APOC2: variants seen among roughly 807,000 people sequenced by gnomAD.
APOC2 encodes the protein apolipoprotein C-II.
In APOC2, 6 loss-of-function variants were observed where a neutral mutation model predicts 10.2. The observed-to-expected ratio is 0.59, with a 90% CI of 0.32 to 1.16. APOC2 has a LOEUF of 1.16. Ranked by LOEUF, APOC2 falls within the 50% of genes most tolerant of loss-of-function variation. The pLI, the probability that APOC2 is intolerant of heterozygous loss-of-function variation, is 0.05. For missense variants in APOC2, 110 were observed against 117.6 expected, an observed-to-expected ratio of 0.94 and a Z score of 0.30; for synonymous variants, 56 against 48.5, an observed-to-expected ratio of 1.15 and a Z score of -0.64.
At chr19:44,948,277 T>A in intron 1 of APOC2, 189 bp from the exon 2 acceptor site, 1 of 599,942 alleles carries the variant, frequency 1.7e-6, no homozygotes, top group South Asian at 1.9e-5. Flanking sequence ...AAATCAGGAG[T>A]AGAATCACAG....
rs150887575 is a variant in APOC2, at chr19:44,948,512, G to C, written c.34G>C (p.Val12Leu). The C allele has an allele frequency of 1.2e-6, 2 of 1,614,130 alleles. No homozygotes were observed. Among genetic ancestry groups the C allele is most frequent in the African/African-American group, 1.3e-5 (1 of 75,048 alleles). Residue 12 changes from valine to leucine, a missense_variant, in exon 2 of 4, where the codon GTC (valine) becomes CTC (leucine). Transcript: ENST00000252490. Reference protein sequence around the residue: ...GTRLLPALFLVLLVLGFEVQG... With the variant: ...GTRLLPALFLLLLVLGFEVQG... ...ACGACTCCTCCCAGCTCTGTTTCTT[G>C]TCCTCCTGGTATTGGGATTTGGTGA...
At chr19:44,948,651 T>C (rs1599993028) in intron 2 of APOC2, 50 bp from the exon 3 acceptor site, 2 of 1,610,528 alleles carry the variant, frequency 1.2e-6, no homozygotes, top group Non-Finnish European at 1.7e-6. Context: ...CTTCCTCCTT[T>C]CCCCCTGCTG....
chr19:44,948,641 C>T, intron 2 of APOC2, 60 bp from the exon 3 acceptor site: 2 of 1,609,054 alleles, frequency 1.2e-6, no homozygotes, highest in Non-Finnish European at 1.7e-6. Flanking sequence ...CCTCTTCTTC[C>T]TTCCTCCTTT....
chr19:44,947,328 G>A (rs1261760789), intron 1 of APOC2: 1 of 152,278 alleles, frequency 6.6e-6, no homozygotes, highest in Non-Finnish European at 1.5e-5. Flanking sequence ...ACTCAGTGAG[G>A]AGATGCAGGG....
At chr19:44,946,436 C>T (rs12709886) in intron 1 of APOC2, among the ~76,000 whole-genome samples, 2,964 of 152,168 alleles carry the variant, frequency 0.019, 39 homozygotes, top group Non-Finnish European at 0.031. Context: ...TGGGGAGGAT[C>T]CCTTGAGCCC....
intron 2 of APOC2, 62 bp from the exon 3 acceptor site, chr19:44,948,639 T>C: frequency 6.2e-7 from 1 of 1,608,554 alleles, no homozygotes; most frequent in Non-Finnish European, 8.5e-7. Flanking sequence ...CTCCTCTTCT[T>C]CCTTCCTCCT....
chr19:44,949,504 C>G lies in APOC2; in HGVS notation c.*255C>G, dbSNP rs1465475551. On this transcript the variant is annotated 3_prime_UTR_variant, in exon 4 of 4. Coordinates refer to ENST00000252490, the MANE Select transcript of APOC2 (RefSeq NM_000483.5). ...GAGCACCTACTTTATGTATGGAGCTCTAACCCATGGGTCCATGGGAATAAA... is the reference window on the plus strand; with the variant it reads ...GAGCACCTACTTTATGTATGGAGCTGTAACCCATGGGTCCATGGGAATAAA... 8 of 547,602 alleles carry G rather than the reference C, an allele frequency of 1.5e-5. No homozygotes were observed. Among genetic ancestry groups the G allele is most frequent in the East Asian group, 9.6e-5 (3 of 31,216 alleles). 33.9% of individuals were successfully genotyped at this position (547,602 alleles called of 1,614,324 possible).
intron 1 of APOC2, 87 bp from the exon 2 acceptor site, chr19:44,948,379 C>G (rs1056928287): frequency 1.2e-5 from 14 of 1,141,968 alleles, no homozygotes; most frequent in Non-Finnish European, 1.9e-5. Context: ...AGAGCAGGAT[C>G]TCAGTCCCCC....
In APOC2 at chr19:44,948,784, T is replaced by C; in HGVS notation, c.139T>C (p.Tyr47His). 1.2e-6 allele frequency: 2 copies of C among 1,614,122 alleles called. No homozygotes were observed. The highest frequency in any genetic ancestry group is 1.7e-6 in the Non-Finnish European group (2 of 1,180,006). Reference sequence around the variant, plus strand: ...CCAGGTGAAGGAATCTCTCTCCAGTTACTGGGAGTCAGCAAAGACAGCCGC... The same window carrying C: ...CCAGGTGAAGGAATCTCTCTCCAGTCACTGGGAGTCAGCAAAGACAGCCGC... ...LTQVKESLSS[Y>H]WESAKTAAQN... Residue 47 changes from tyrosine to histidine, a missense_variant, in exon 3 of 4, where the codon TAC becomes CAC. Physicochemically the swap from Tyr to His is moderately conservative, Grantham distance 83 (BLOSUM62 2). Transcript: ENST00000252490.
Position 44,949,279 on chromosome 19 carries a change from GA to G in APOC2, c.*31del. On this transcript the variant is annotated 3_prime_UTR_variant, in exon 4 of 4. Transcript: ENST00000252490. Reference sequence around the variant, plus strand: ...CAGACCCCCCATCAGTGGACAAGGGGAGAGTCCCCTACTCCCCTGATCCCCC... The same window carrying G: ...CAGACCCCCCATCAGTGGACAAGGGGGAGTCCCCTACTCCCCTGATCCCCC... 1 of 1,589,338 alleles carries G rather than the reference GA, an allele frequency of 6.3e-7. No homozygotes were observed. Among genetic ancestry groups the G allele is most frequent in the South Asian group, 1.1e-5 (1 of 89,462 alleles).
At chr19:44,946,899 C>A (rs1410735508) in intron 1 of APOC2, among the ~76,000 whole-genome samples, 1 of 152,128 alleles carries the variant, frequency 6.6e-6, no homozygotes, top group Non-Finnish European at 1.5e-5. Context: ...CACTTGTAAT[C>A]CAAACGCTTT....
intron 1 of APOC2, 116 bp downstream of exon 1, chr19:44,946,191 C>CTGTGTGTGTGTGTGTGTG (rs71338739): frequency 3.7e-4 from 50 of 134,106 alleles, no homozygotes; most frequent in African/African-American, 1.3e-3. Flanking sequence ...GGAACCATGA[C>CTGTGTGTGTGTGTGTGTG]TGTGTGTGTG....
intron 1 of APOC2, chr19:44,947,132 A>G (rs1970330657): frequency 6.7e-6 from 1 of 148,470 alleles, no homozygotes; most frequent in African/African-American, 2.5e-5. Context: ...AGCCTGGGCG[A>G]GAGAACAAGA....
chr19:44,946,910 G>T (rs914634125), intron 1 of APOC2, among the ~76,000 whole-genome samples: 1 of 152,210 alleles, frequency 6.6e-6, no homozygotes, highest in Admixed American at 6.5e-5. Flanking sequence ...CAAACGCTTT[G>T]GGAGGCCAAG....
In APOC2 at chr19:44,949,069, G is replaced by A. The variant is rs1970355905; in HGVS notation, c.216-90G>A. The A allele has an allele frequency of 7.5e-6, 9 of 1,193,880 alleles. 1 individual carries two copies. The highest frequency in any genetic ancestry group is 9.2e-6 in the Non-Finnish European group (8 of 866,104). The allele number at this position is 1,193,880 out of a possible 1,614,324, so 74.0% of individuals were successfully genotyped here. A position where few individuals can be genotyped will look rare whatever the true frequency, so the allele number is the denominator to read the frequency against. The stretch of plus-strand genomic sequence containing the variant: ...CCAGCCCCTCCTCCCTCAGACCCAG[G>A]AGTCCAGGTCCCCAGACCCTCCTCC... On this transcript the variant is annotated intron_variant, in intron 3 of 3. Coordinates refer to ENST00000252490, the MANE Select transcript of APOC2 (RefSeq NM_000483.5).
chr19:44,946,557 C>T (rs1970323860), intron 1 of APOC2, among the ~76,000 whole-genome samples: 1 of 151,994 alleles, frequency 6.6e-6, no homozygotes, highest in Admixed American at 6.6e-5. Flanking sequence ...TACAATGGCT[C>T]ATGCCTGTAA....
At position 44,948,452 on chromosome 19, in the gene APOC2, C is replaced by T. The variant is rs770604206; in HGVS notation, c.-13-14C>T. 1 of 1,612,286 alleles carries T rather than the reference C, an allele frequency of 6.2e-7. No homozygotes were observed. Among genetic ancestry groups the T allele is most frequent in the Non-Finnish European group, 8.5e-7 (1 of 1,178,428 alleles). ...CCAGTCAGCCTGCCACATGACACCCCCTCAATGTTCCAGGTCTCTGGACAC... is the reference window on the plus strand; with the variant it reads ...CCAGTCAGCCTGCCACATGACACCCTCTCAATGTTCCAGGTCTCTGGACAC... On this transcript the variant is annotated splice_polypyrimidine_tract_variant and intron_variant, in intron 1 of 3. Coordinates refer to ENST00000252490, the MANE Select transcript of APOC2 (RefSeq NM_000483.5).
rs886054485 is a variant in APOC2 at position 44,949,244 on chromosome 19, G to A, written c.301G>A (p.Glu101Lys). 4 of 1,613,444 alleles carry A rather than the reference G, an allele frequency of 2.5e-6. No individual in the cohort carries two copies. The highest frequency in any genetic ancestry group is 2.2e-5 in the East Asian group (1 of 44,882). The change falls in exon 4 of 4, where the codon GAG becomes AAG. Residue 101 changes from glutamate to lysine, a missense_variant. Transcript: ENST00000252490. Reference sequence around the variant, plus strand: ...AGTTCTTTCTGTGCTGAAGGGAGAGGAGTAACAGCCAGACCCCCCATCAGT... The same window carrying A: ...AGTTCTTTCTGTGCTGAAGGGAGAGAAGTAACAGCCAGACCCCCCATCAGT... ...DQVLSVLKGE[E>K] is the part of the protein sequence containing the mutation.
At chr19:44,946,232 TGTGA>T (rs1382559597) in intron 1 of APOC2, among the ~76,000 whole-genome samples, 157 bp downstream of exon 1, 39 of 120,392 alleles carry the variant, frequency 3.2e-4, no homozygotes, top group South Asian at 8.1e-4. Flanking sequence ...TGTGTGTGTG[TGTGA>T]GAGAGAGAGA....
Sources: gnomAD v4.1 joint callset for allele counts (sites outside exome capture counted in the v4.1 genomes callset) on GRCh38, gnomAD v4.1.1 for gene constraint, MANE v1.5 for transcripts, NCBI Gene and HGNC (gene_info 2026-07-23, HGNC 2026-07-21) for gene names.